Variants in PLD5 observed in about 807,000 individuals in gnomAD.
PLD5 encodes the protein phospholipase D family member 5, also known as inactive phospholipase D5.
PLD5 carries 36 observed loss-of-function variants against 61.1 expected under a neutral mutation model. The ratio of observed to expected loss-of-function variants is 0.59; its 90% CI spans 0.45 to 0.78. The LOEUF is 0.78. Among genes scored for constraint, PLD5 ranks in the 30% least tolerant of loss-of-function variants. PLD5 has a pLI of 0.00. For missense variants in PLD5, 515 were observed against 644.4 expected (o/e 0.80, Z 2.17); for synonymous variants, 243 against 242.8 (o/e 1.00, Z -0.01).
rs559917059 is a variant in PLD5 at position 242,524,464 on chromosome 1, G to T, written c.-188C>A. On this transcript the variant is annotated 5_prime_UTR_variant, in exon 1 of 10. Coordinates refer to ENST00000536534, the MANE Select transcript of PLD5 (RefSeq NM_001372062.1). ...CTGAGCGCCAGCTGGGAGCGCGGCCGGGCGGGAGGGGGCGATCGCGGGAGG... is the reference window on the plus strand; with the variant it reads ...CTGAGCGCCAGCTGGGAGCGCGGCCTGGCGGGAGGGGGCGATCGCGGGAGG... 2.5e-4 allele frequency: 100 copies of T among 399,300 alleles called. 1 individual carries two copies. In the South Asian group the frequency reaches 0.012, roughly 46 times the overall value. 24.7% of individuals were successfully genotyped at this position (399,300 alleles called of 1,614,324 possible).
At chr1:242,163,753 G>A (rs1666081043) in intron 5 of PLD5, among the ~76,000 whole-genome samples, 1 of 151,826 alleles carries the variant, frequency 6.6e-6, no homozygotes, top group African/African-American at 2.4e-5. Context: ...AAGGTGAAAG[G>A]AGATGGAAAA....
intron 5 of PLD5, among the ~76,000 whole-genome samples, chr1:242,130,475 A>G (rs1382159782): frequency 6.6e-6 from 1 of 152,184 alleles, no homozygotes; most frequent in African/African-American, 2.4e-5. Flanking sequence ...CAGTAGTGGG[A>G]TTGCTGGATC....
intron 5 of PLD5, among the ~76,000 whole-genome samples, chr1:242,172,824 C>T (rs1443730898): frequency 6.6e-6 from 1 of 152,064 alleles, no homozygotes; most frequent in African/African-American, 2.4e-5. Flanking sequence ...CAAGTCTAAA[C>T]CAGGAAGAAG....
At chr1:242,172,119 C>T (rs1666796682) in intron 5 of PLD5, among the ~76,000 whole-genome samples, 1 of 152,126 alleles carries the variant, frequency 6.6e-6, no homozygotes, top group Non-Finnish European at 1.5e-5. Context: ...TAAAATTGAC[C>T]ACGTAATTGA....
chr1:242,099,011 C>T (rs935034461), intron 9 of PLD5, among the ~76,000 whole-genome samples: 6 of 152,212 alleles, frequency 3.9e-5, no homozygotes, highest in Admixed American at 1.3e-4. Flanking sequence ...GGGTCAGGGA[C>T]CCACTTGAGG....
intron 1 of PLD5, among the ~76,000 whole-genome samples, chr1:242,495,800 T>C (rs972781004): frequency 6.6e-6 from 1 of 152,210 alleles, no homozygotes; most frequent in Admixed American, 6.5e-5. Flanking sequence ...AAAGTAACAA[T>C]GTTTGCATTC....
chr1:242,298,810 A>C (rs2149156726), intron 2 of PLD5, among the ~76,000 whole-genome samples: 1 of 152,330 alleles, frequency 6.6e-6, no homozygotes, highest in South Asian at 2.1e-4. Context: ...GCACACTTTT[A>C]ACTGGCTTAA....
intron 5 of PLD5, among the ~76,000 whole-genome samples, chr1:242,190,061 C>T (rs940573497): frequency 6.6e-6 from 1 of 151,070 alleles, no homozygotes; most frequent in Non-Finnish European, 1.5e-5. Context: ...TCGGCATCTC[C>T]TCCTTTACTT....
chr1:242,149,460 G>A (rs1235128415), intron 5 of PLD5, among the ~76,000 whole-genome samples: 1 of 150,776 alleles, frequency 6.6e-6, no homozygotes, highest in African/African-American at 2.4e-5. Flanking sequence ...TCTCATTTTG[G>A]TATTTGGGAA....
chr1:242,235,001 T>C (rs1022200652), intron 4 of PLD5, among the ~76,000 whole-genome samples: 3 of 152,104 alleles, frequency 2.0e-5, no homozygotes, highest in African/African-American at 7.2e-5. Flanking sequence ...CTCTATAAAA[T>C]GGGGATGAAA....
At chr1:242,194,610 C>CTATCTATG (rs1463433762) in intron 5 of PLD5, among the ~76,000 whole-genome samples, 10 of 78,562 alleles carry the variant, frequency 1.3e-4, no homozygotes, top group African/African-American at 1.5e-4. Flanking sequence ...ATCTATGTAT[C>CTATCTATG]TATCTATGTA....
rs11809947 is a variant in PLD5, at chr1:242,304,896, C to G, written c.327-16366G>C. On this transcript the variant is annotated intron_variant, in intron 2 of 9. Transcript: ENST00000536534. ...AAGTGGGCAGATCGCTTGTGCCCAG[C>G]AGTTCAAGACCAGCCTGGGCAACAT... Among the ~76,000 whole-genome samples the G allele has an allele frequency of 1.9e-4, 29 of 151,982 alleles. No homozygotes were observed. In the East Asian group the frequency reaches 5.4e-3, roughly 29 times the overall value.
intron 1 of PLD5, among the ~76,000 whole-genome samples, chr1:242,396,418 C>T (rs143744948): frequency 1.3e-5 from 2 of 152,232 alleles, no homozygotes; most frequent in African/African-American, 4.8e-5. Flanking sequence ...CTTTGCCCTC[C>T]AGCTACCATC....
At chr1:242,148,271 G>A (rs1358957051) in intron 5 of PLD5, among the ~76,000 whole-genome samples, 6 of 149,260 alleles carry the variant, frequency 4.0e-5, no homozygotes, top group Admixed American at 2.7e-4. Context: ...AAAATTAATC[G>A]GCTTTGCACC....
At chr1:242,425,513 G>A (rs920560776) in intron 1 of PLD5, among the ~76,000 whole-genome samples, 1 of 152,124 alleles carries the variant, frequency 6.6e-6, no homozygotes, top group Admixed American at 6.6e-5. Flanking sequence ...GTGAGTGAAT[G>A]TGAAGGCCTA....
At chr1:242,487,799 T>C (rs1232154400) in intron 1 of PLD5, among the ~76,000 whole-genome samples, 2 of 146,744 alleles carry the variant, frequency 1.4e-5, no homozygotes, top group Admixed American at 1.4e-4. Flanking sequence ...TTCAACATTG[T>C]ATTTCTTTAG....
chr1:242,096,238 G>A (rs903163925), intron 9 of PLD5, among the ~76,000 whole-genome samples: 10 of 152,130 alleles, frequency 6.6e-5, no homozygotes, highest in African/African-American at 1.9e-4. Flanking sequence ...GATTACAGGC[G>A]TGAGCCACTG....
chr1:242,280,864 G>T (rs190301217), intron 3 of PLD5, among the ~76,000 whole-genome samples: 41 of 152,318 alleles, frequency 2.7e-4, no homozygotes, highest in African/African-American at 9.1e-4. Context: ...TGGGTTTCAG[G>T]CATAGCCCTG....
chr1:242,156,511 A>G (rs1274916377), intron 5 of PLD5, among the ~76,000 whole-genome samples: 2 of 152,086 alleles, frequency 1.3e-5, no homozygotes, highest in Non-Finnish European at 2.9e-5. Flanking sequence ...TTCCTTGTTT[A>G]GTGCTTCTTG....
Sources: allele counts gnomAD v4.1 joint callset (sites outside exome capture counted in the v4.1 genomes callset), GRCh38; gene constraint gnomAD v4.1.1; transcripts MANE v1.5; gene names NCBI Gene and HGNC (gene_info 2026-07-23, HGNC 2026-07-21).